Variants in ZNF69 observed in about 807,000 individuals in gnomAD.
ZNF69 encodes zinc finger protein 69.
A neutral mutation model predicts 50.9 loss-of-function variants in ZNF69; 47 were observed. That is an observed-to-expected ratio of 0.92 (90% CI 0.73 to 1.18). The LOEUF (loss-of-function observed/expected upper bound fraction) is 1.18. ZNF69 is among the 50% of genes most tolerant of loss of function. The pLI, the probability that ZNF69 is intolerant of heterozygous loss-of-function variation, is 0.00. For synonymous variants in ZNF69, 216 were observed against 223.1 expected (o/e 0.97, Z 0.29); for missense variants, 717 against 675.1 (o/e 1.06, Z -0.69).
chr19:11,920,400 A>G, the ZNF69 span, among the ~76,000 whole-genome samples: 4 of 152,158 alleles, frequency 2.6e-5, no homozygotes, highest in East Asian at 7.7e-4. Context: ...GGCGTGAGCT[A>G]CTATGCTCGC....
At chr19:11,966,588 A>G in the ZNF69 span, among the ~76,000 whole-genome samples, 12 of 152,070 alleles carry the variant, frequency 7.9e-5, no homozygotes, top group East Asian at 1.9e-4. Flanking sequence ...TGGCCAGGCT[A>G]TTCTCAAACT....
At chr19:11,918,124 A>C (rs1327844390), downstream of ZNF69, among the ~76,000 whole-genome samples, 2 of 152,024 alleles carry the variant, frequency 1.3e-5, no homozygotes, top group African/African-American at 4.8e-5. Flanking sequence ...TCTTGTTTTT[A>C]TTCCTAACTG....
chr19:11,924,503 T>A, the ZNF69 span, among the ~76,000 whole-genome samples: 2 of 151,612 alleles, frequency 1.3e-5, no homozygotes, highest in African/African-American at 4.9e-5. Context: ...GAGACAGAAT[T>A]GTTTGGTGGC....
At chr19:11,888,478 A>G (rs1305387167) in intron 1 of ZNF69, among the ~76,000 whole-genome samples, 1 of 152,248 alleles carries the variant, frequency 6.6e-6, no homozygotes, top group African/African-American at 2.4e-5. Context: ...GAAAAAGCCA[A>G]ACTATGTAAA....
the ZNF69 span, chr19:11,977,302 C>A: frequency 1.9e-6 from 3 of 1,606,494 alleles, no homozygotes; most frequent in Non-Finnish European, 2.5e-6. Flanking sequence ...AAATCATAGA[C>A]ATAGAATCTA....
At chr19:11,968,709 G>A in the ZNF69 span, among the ~76,000 whole-genome samples, 1 of 152,108 alleles carries the variant, frequency 6.6e-6, no homozygotes, top group African/African-American at 2.4e-5. Context: ...AGGGAAATTA[G>A]TGTACTATAG....
At chr19:11,967,732 GAA>G in the ZNF69 span, among the ~76,000 whole-genome samples, 1 of 152,110 alleles carries the variant, frequency 6.6e-6, no homozygotes, top group East Asian at 1.9e-4. Flanking sequence ...AAAGAAAAAA[GAA>G]AAAGAAGGAA....
intron 1 of ZNF69, among the ~76,000 whole-genome samples, chr19:11,902,533 C>T (rs974221630): frequency 1.3e-5 from 2 of 151,790 alleles, no homozygotes; most frequent in African/African-American, 4.8e-5. Flanking sequence ...CTGTCAGCAT[C>T]TATCTAGCTA....
the ZNF69 span, among the ~76,000 whole-genome samples, chr19:11,929,120 A>G: frequency 6.7e-6 from 1 of 148,286 alleles, no homozygotes; most frequent in African/African-American, 2.6e-5. Flanking sequence ...CATTGCTTCA[A>G]GATAATTTAA....
At chr19:11,888,606 T>C (rs573761427) in intron 1 of ZNF69, among the ~76,000 whole-genome samples, 12 of 152,334 alleles carry the variant, frequency 7.9e-5, no homozygotes, top group Admixed American at 2.6e-4. Context: ...TTATTCATTT[T>C]AGAGAGACAG....
At chr19:11,950,030 A>C in the ZNF69 span, 1 of 1,613,974 alleles carries the variant, frequency 6.2e-7, no homozygotes, top group South Asian at 1.1e-5. Flanking sequence ...CATGAAAGGA[A>C]GCACAGAGGA....
intron 1 of ZNF69, among the ~76,000 whole-genome samples, chr19:11,892,565 C>T (rs1288866163): frequency 6.6e-6 from 1 of 151,828 alleles, no homozygotes; most frequent in African/African-American, 2.4e-5. Flanking sequence ...CAAGACCAGC[C>T]TGGGCAACAT....
At chr19:11,898,301 G>C (rs1310869258) in intron 1 of ZNF69, among the ~76,000 whole-genome samples, 1 of 150,306 alleles carries the variant, frequency 6.7e-6, no homozygotes, top group Non-Finnish European at 1.5e-5. Context: ...TTATTATTTA[G>C]AACAGTGGTT....
At chr19:11,910,805 T>C (rs1043458899), downstream of ZNF69, among the ~76,000 whole-genome samples, 1 of 152,014 alleles carries the variant, frequency 6.6e-6, no homozygotes, top group Non-Finnish European at 1.5e-5. Context: ...TGGCAACAAA[T>C]GCCAAAATTG....
chr19:11,894,563 C>T (rs1052298386), intron 1 of ZNF69, among the ~76,000 whole-genome samples: 1 of 152,134 alleles, frequency 6.6e-6, no homozygotes, highest in African/African-American at 2.4e-5. Flanking sequence ...AATGGGGTGA[C>T]CTAATATTCC....
chr19:11,931,208 A>G, the ZNF69 span, among the ~76,000 whole-genome samples: 1 of 147,812 alleles, frequency 6.8e-6, no homozygotes, highest in African/African-American at 2.7e-5. Context: ...AAGAATAAAC[A>G]TTTATTTCTG....
Position 11,905,280 on chromosome 19 carries a change from GA to G in ZNF69, c.886del (p.Arg296GlyfsTer56). On this transcript the variant is annotated frameshift_variant, in exon 4 of 4. Coordinates refer to ENST00000429654, the MANE Select transcript of ZNF69 (RefSeq NM_001364730.1). LOFTEE classifies it high-confidence loss of function. Reference protein sequence around the residue: ...FHSPRCYRRHERIHTGEKAYQ... With the variant: ...FHSPRCYRRHXRIHTGEKAYQ... ...TAGTCCCAGATGCTATCGTAGACATGAAAGGATTCACACGGGAGAGAAGGCT... is the reference window on the plus strand; with the variant it reads ...TAGTCCCAGATGCTATCGTAGACATGAAGGATTCACACGGGAGAGAAGGCT... 6.2e-7 allele frequency: 1 copy of G among 1,614,110 alleles called. No individual in the cohort carries two copies. The highest frequency in any genetic ancestry group is 8.5e-7 in the Non-Finnish European group (1 of 1,180,024).
At chr19:11,952,205 G>T in the ZNF69 span, among the ~76,000 whole-genome samples, 1 of 152,188 alleles carries the variant, frequency 6.6e-6, no homozygotes, top group Non-Finnish European at 1.5e-5. Context: ...GCCTTGTGAT[G>T]AGGGGAGGTC....
chr19:11,919,591 CA>C, the ZNF69 span, among the ~76,000 whole-genome samples: 1 of 152,068 alleles, frequency 6.6e-6, no homozygotes. Flanking sequence ...GACCCTGTCT[CA>C]AAAACAAAAC....
Sources: gnomAD v4.1 joint callset for allele counts (sites outside exome capture counted in the v4.1 genomes callset) on GRCh38, gnomAD v4.1.1 for gene constraint, MANE v1.5 for transcripts, NCBI Gene and HGNC (gene_info 2026-07-23, HGNC 2026-07-21) for gene names.